The following MID1 variants were observed in gnomAD, a reference collection of about 807,000 sequenced individuals.
MID1 encodes midline 1, also known as E3 ubiquitin-protein ligase Midline-1.
MID1 carries 7 observed loss-of-function variants against 40.4 expected under a neutral mutation model. The observed-to-expected ratio is 0.17, with a 90% CI of 0.10 to 0.33. The LOEUF (loss-of-function observed/expected upper bound fraction) is 0.33. Ranked by LOEUF, MID1 falls within the 10% of genes least tolerant of loss-of-function variation. The probability of loss-of-function intolerance (pLI) is 1.00; values close to 1 mark genes in which losing one functional copy is unlikely to be tolerated. For synonymous variants in MID1, 229 were observed against 221.2 expected (o/e 1.04, Z -0.31); for missense variants, 367 against 558.5 (o/e 0.66, Z 3.46).
intron 1 of MID1, among the ~76,000 whole-genome samples, chrX:10,568,999 G>A (rs1004274808): frequency 1.3e-4 from 14 of 111,524 alleles, no homozygotes; most frequent in African/African-American, 2.0e-4. Flanking sequence ...TGGGGAGAGC[G>A]TTCTCAGCCG....
At chrX:10,661,917 C>T (rs1249090942) in intron 1 of MID1, among the ~76,000 whole-genome samples, 3 of 112,413 alleles carry the variant, frequency 2.7e-5, no homozygotes, top group Non-Finnish European at 3.8e-5. Flanking sequence ...CTGTTTCAGA[C>T]GCTCTTCTAG....
rs141654726 is a variant in MID1, at chrX:10,466,048, C to A, written c.1285+3649G>T. Among the ~76,000 whole-genome samples the A allele has an allele frequency of 5.9e-3, 666 of 111,936 alleles. 3 individuals carry two copies. The highest frequency in any genetic ancestry group is 0.019 in the Middle Eastern group (4 of 214). On this transcript the variant is annotated intron_variant, in intron 7 of 9. Transcript: ENST00000317552. ...AATGACTCCAAATGTTTTCTTTTTC[C>A]GGTTAGACTATTCACTCATCAACAG...
At position 10,610,055 on chromosome X, in the gene MID1, A is replaced by T. The variant is rs140324934; in HGVS notation, c.-57+10235T>A. On this transcript the variant is annotated intron_variant, in intron 1 of 9. Transcript: ENST00000317552. ...TTCTAAACAGAGGATATGAGCAGAC[A>T]TTGCACAAGAAATGCAAATAGACCT... 4.4e-3 allele frequency among the ~76,000 whole-genome samples: 489 copies of T among 112,071 alleles called. 9 individuals carry two copies. Among genetic ancestry groups the T allele is most frequent in the East Asian group, 0.036 (128 of 3,573 alleles).
In MID1 at chrX:10,448,072, C is replaced by T. The variant is rs1156726504; in HGVS notation, c.*1296G>A. 9.1e-6 allele frequency: 1 copy of T among 109,513 alleles called. No homozygotes were observed. The highest frequency in any genetic ancestry group is 3.3e-5 in the African/African-American group (1 of 30,032). The allele number at this position is 109,513 out of a possible 1,213,427, so 9.0% of individuals were successfully genotyped here. A position where few individuals can be genotyped will look rare whatever the true frequency, so the allele number is the denominator to read the frequency against. On this transcript the variant is annotated 3_prime_UTR_variant, in exon 10 of 10. Coordinates refer to ENST00000317552, the MANE Select transcript of MID1 (RefSeq NM_000381.4). The stretch of plus-strand genomic sequence containing the variant: ...TTGGCATGCAAAGAATCCCAGCTGA[C>T]ATTTTATAAGCAGGTTCCTGAATAA...
chrX:10,730,400 C>A lies in MID1; in HGVS notation c.-187+103154G>T, dbSNP rs777723131. 1.4e-4 allele frequency among the ~76,000 whole-genome samples: 16 copies of A among 110,591 alleles called. No individual in the cohort carries two copies. The South Asian group carries it at 6.1e-3, about 42-fold the overall frequency. ...TCAAGAAGATTGAAAATGCTTCTGA[C>A]AAACTAACATTGTATTTTTAAAATT... is the stretch of plus-strand genomic sequence containing the variant. On this transcript the variant is annotated intron_variant, in intron 1 of 10. Transcript: ENST00000380785.
chrX:10,597,143 A>G (rs1477735184), intron 1 of MID1, among the ~76,000 whole-genome samples: 1 of 111,422 alleles, frequency 9.0e-6, no homozygotes, highest in East Asian at 2.8e-4. Context: ...TATATTGGTG[A>G]ATATTTATAA....
chrX:10,493,850 A>G (rs764733923), intron 4 of MID1, among the ~76,000 whole-genome samples: 2 of 112,542 alleles, frequency 1.8e-5, no homozygotes, highest in Non-Finnish European at 3.7e-5. Context: ...TAATATGTGT[A>G]CTGAGAGCTA....
intron 1 of MID1, among the ~76,000 whole-genome samples, chrX:10,782,920 A>C (rs1015295983): frequency 3.6e-5 from 4 of 111,204 alleles, no homozygotes; most frequent in African/African-American, 1.3e-4. Flanking sequence ...AACTACATAC[A>C]CAGAATTTCT....
chrX:10,640,349 A>AG (rs1936176562), intron 1 of MID1, among the ~76,000 whole-genome samples: 1 of 111,157 alleles, frequency 9.0e-6, no homozygotes, highest in African/African-American at 3.3e-5. Context: ...GGGCAAAAAA[A>AG]GCAGGGGTTG....
chrX:10,598,991 G>A (rs1304650548), intron 1 of MID1, among the ~76,000 whole-genome samples: 1 of 111,886 alleles, frequency 8.9e-6, no homozygotes, highest in Non-Finnish European at 1.9e-5. Context: ...ATCCTGACGG[G>A]GGGGATCCTG....
At chrX:10,598,486 A>G (rs953030635) in intron 1 of MID1, among the ~76,000 whole-genome samples, 5 of 112,169 alleles carry the variant, frequency 4.5e-5, no homozygotes, top group Non-Finnish European at 9.4e-5. Flanking sequence ...TACAGAGCAC[A>G]GTTGATGTTA....
chrX:10,602,472 G>A (rs745386421), intron 1 of MID1, among the ~76,000 whole-genome samples: 16 of 109,623 alleles, frequency 1.5e-4, no homozygotes, highest in African/African-American at 3.3e-5. Context: ...CACTCACTCC[G>A]CATTCTCCCC....
chrX:10,718,251 G>T (rs756505053), intron 1 of MID1, among the ~76,000 whole-genome samples: 4 of 111,498 alleles, frequency 3.6e-5, no homozygotes, highest in South Asian at 3.8e-4. Flanking sequence ...AATCAATGAA[G>T]CCAGGAGCTG....
chrX:10,814,608 TGCATAA>T (rs1472288562), intron 1 of MID1, among the ~76,000 whole-genome samples: 2 of 109,522 alleles, frequency 1.8e-5, no homozygotes, highest in African/African-American at 6.7e-5. Flanking sequence ...TGTGCGTGTG[TGCATAA>T]GTGTGTGTGT....
At chrX:10,786,043 G>C (rs1403363663) in intron 1 of MID1, among the ~76,000 whole-genome samples, 1 of 111,189 alleles carries the variant, frequency 9.0e-6, no homozygotes, top group African/African-American at 3.3e-5. Flanking sequence ...CTACAGAATG[G>C]GAGAAAATTT....
At chrX:10,778,359 G>C (rs1413258568) in intron 1 of MID1, among the ~76,000 whole-genome samples, 1 of 110,723 alleles carries the variant, frequency 9.0e-6, no homozygotes, top group Admixed American at 9.7e-5. Flanking sequence ...TCATTATATG[G>C]TGCATGACCG....
chrX:10,817,134 G>C (rs754850847), intron 1 of MID1, among the ~76,000 whole-genome samples: 1 of 112,212 alleles, frequency 8.9e-6, no homozygotes, highest in African/African-American at 3.2e-5. Flanking sequence ...TGACAAATAA[G>C]CACCTTTGAA....
intron 1 of MID1, among the ~76,000 whole-genome samples, chrX:10,581,052 C>G (rs988399150): frequency 2.7e-5 from 3 of 109,773 alleles, no homozygotes; most frequent in African/African-American, 1.0e-4. Context: ...AGTTCGAGAC[C>G]AGCCTGGCCA....
At chrX:10,636,785 G>GATAGATATATATATAT (rs1555911853) in intron 1 of MID1, among the ~76,000 whole-genome samples, 3 of 42,708 alleles carry the variant, frequency 7.0e-5, no homozygotes, top group Middle Eastern at 0.015. Context: ...CAACAATGGG[G>GATAGATATATATATAT]ATATATATAT....
Sources: gnomAD v4.1 joint callset for allele counts (sites outside exome capture counted in the v4.1 genomes callset) on GRCh38, gnomAD v4.1.1 for gene constraint, MANE v1.5 for transcripts, NCBI Gene and HGNC (gene_info 2026-07-23, HGNC 2026-07-21) for gene names.